Variants in TECRL observed in about 807,000 individuals in gnomAD.
TECRL encodes trans-2,3-enoyl-CoA reductase-like.
TECRL carries 63 observed loss-of-function variants against 52.8 expected under a neutral mutation model. The ratio of observed to expected loss-of-function variants is 1.19; its 90% CI spans 0.97 to 1.47. TECRL has a LOEUF of 1.47. Ranked by LOEUF, TECRL falls within the 40% of genes most tolerant of loss-of-function variation. The probability of loss-of-function intolerance (pLI) is 0.00; values close to 1 mark genes in which losing one functional copy is unlikely to be tolerated. For missense variants in TECRL, 482 were observed against 429.6 expected, an observed-to-expected ratio of 1.12 and a Z score of -1.08; for synonymous variants, 164 against 141.9, an observed-to-expected ratio of 1.16 and a Z score of -1.10.
At chr4:64,292,642 T>C (rs1577812872) in intron 8 of TECRL, among the ~76,000 whole-genome samples, 1 of 152,134 alleles carries the variant, frequency 6.6e-6, no homozygotes, top group Non-Finnish European at 1.5e-5. Context: ...AAGTTTAACC[T>C]ATCAAATAAA....
chr4:64,281,342 T>C (rs1478958731), intron 10 of TECRL, 132 bp downstream of exon 10: 2 of 619,584 alleles, frequency 3.2e-6, no homozygotes, highest in East Asian at 5.9e-5. Flanking sequence ...TATTTTGTTA[T>C]ACCATGATCT....
intron 2 of TECRL, among the ~76,000 whole-genome samples, chr4:64,358,116 C>T (rs1399353010): frequency 2.7e-5 from 4 of 150,840 alleles, no homozygotes; most frequent in Admixed American, 6.6e-5. Context: ...AAAAAAAAGA[C>T]ATTCTGAATT....
chr4:64,293,042 T>C (rs1187046047), intron 8 of TECRL, among the ~76,000 whole-genome samples: 4 of 152,094 alleles, frequency 2.6e-5, no homozygotes, highest in Non-Finnish European at 5.9e-5. Context: ...ATTGAGTAAT[T>C]TGAATACTTC....
At chr4:64,344,533 C>T (rs1424683504) in intron 2 of TECRL, among the ~76,000 whole-genome samples, 2 of 152,142 alleles carry the variant, frequency 1.3e-5, no homozygotes, top group Non-Finnish European at 2.9e-5. Context: ...AGACTTTACA[C>T]TTGCTTACTA....
At chr4:64,378,388 G>A (rs1722545878) in intron 1 of TECRL, among the ~76,000 whole-genome samples, 1 of 151,962 alleles carries the variant, frequency 6.6e-6, no homozygotes, top group African/African-American at 2.4e-5. Flanking sequence ...CAACATGGCG[G>A]AAATCCCATC....
chr4:64,370,020 G>A (rs565697518), intron 2 of TECRL, among the ~76,000 whole-genome samples: 1 of 151,758 alleles, frequency 6.6e-6, no homozygotes, highest in South Asian at 2.1e-4. Context: ...TATATATCTT[G>A]ATAATTAAGT....
intron 2 of TECRL, among the ~76,000 whole-genome samples, chr4:64,352,374 G>A (rs1720460581): frequency 6.6e-6 from 1 of 152,104 alleles, no homozygotes; most frequent in Admixed American, 6.5e-5. Context: ...CCTGAGAGAG[G>A]AATAGATAGA....
At chr4:64,408,288 C>G (rs1343622997) in intron 1 of TECRL, among the ~76,000 whole-genome samples, 2 of 151,764 alleles carry the variant, frequency 1.3e-5, no homozygotes, top group Non-Finnish European at 1.5e-5. Flanking sequence ...GCAACAAAAA[C>G]GTATTCAATA....
chr4:64,332,094 C>T (rs1437090358), intron 2 of TECRL, among the ~76,000 whole-genome samples: 1 of 152,094 alleles, frequency 6.6e-6, no homozygotes, highest in Non-Finnish European at 1.5e-5. Flanking sequence ...GCTCAGAAAG[C>T]TGAGTCTAGC....
chr4:64,402,350 T>C (rs971936885), intron 1 of TECRL, among the ~76,000 whole-genome samples: 14 of 152,224 alleles, frequency 9.2e-5, no homozygotes, highest in African/African-American at 3.4e-4. Context: ...AATACTAATA[T>C]ATCAATTATA....
intron 2 of TECRL, among the ~76,000 whole-genome samples, chr4:64,359,961 A>T (rs1721055998): frequency 6.6e-6 from 1 of 152,168 alleles, no homozygotes; most frequent in African/African-American, 2.4e-5. Context: ...TAAGTAAGAA[A>T]TTTAAGTGAT....
At chr4:64,361,112 G>T (rs1331315567) in intron 2 of TECRL, among the ~76,000 whole-genome samples, 10 of 152,072 alleles carry the variant, frequency 6.6e-5, no homozygotes, top group Non-Finnish European at 1.2e-4. Flanking sequence ...CAGCATGACT[G>T]CACCCACTTG....
intron 9 of TECRL, among the ~76,000 whole-genome samples, chr4:64,288,581 A>G (rs1723205644): frequency 6.6e-6 from 1 of 152,196 alleles, no homozygotes; most frequent in African/African-American, 2.4e-5. Context: ...TTAACGTGCA[A>G]CAAAAAGTGG....
intron 4 of TECRL, among the ~76,000 whole-genome samples, chr4:64,315,541 GA>G (rs1265784118): frequency 1.3e-5 from 2 of 151,916 alleles, no homozygotes; most frequent in African/African-American, 4.8e-5. Context: ...TTTTCAAAGA[GA>G]AAAAAATACA....
chr4:64,297,104 T>C (rs1421558472), intron 8 of TECRL, among the ~76,000 whole-genome samples: 1 of 151,552 alleles, frequency 6.6e-6, no homozygotes, highest in Non-Finnish European at 1.5e-5. Context: ...CAACATATTA[T>C]GTATACATTG....
In TECRL at chr4:64,278,059, T is replaced by C. The variant is rs969375369; in HGVS notation, c.*2013A>G. ...ATGCATATATTTGTGTATGTGTATA[T>C]ATATGTGTATATATATACACATATA... On this transcript the variant is annotated 3_prime_UTR_variant, in exon 12 of 12. Coordinates refer to ENST00000381210, the MANE Select transcript of TECRL (RefSeq NM_001010874.5). 1.3e-5 allele frequency: 2 copies of C among 151,692 alleles called. No homozygotes were observed. The highest frequency in any genetic ancestry group is 1.3e-4 in the Admixed American group (2 of 15,198). 9.4% of individuals were successfully genotyped at this position (151,692 alleles called of 1,614,324 possible).
At chr4:64,354,035 A>C (rs1720587054) in intron 2 of TECRL, among the ~76,000 whole-genome samples, 1 of 152,172 alleles carries the variant, frequency 6.6e-6, no homozygotes, top group Non-Finnish European at 1.5e-5. Flanking sequence ...AATGCAGTTG[A>C]AAGTTCAAAC....
At chr4:64,322,639 T>A in intron 4 of TECRL, 50 bp downstream of exon 4, 1 of 1,319,720 alleles carries the variant, frequency 7.6e-7, no homozygotes, top group South Asian at 1.4e-5. Flanking sequence ...CAATAAATTA[T>A]TTAGAGCAAA....
chr4:64,347,968 C>T (rs1248237151), intron 2 of TECRL, among the ~76,000 whole-genome samples: 1 of 152,180 alleles, frequency 6.6e-6, no homozygotes, highest in Non-Finnish European at 1.5e-5. Context: ...CTCACATCTT[C>T]CTGTCTTCTT....
Sources: allele counts gnomAD v4.1 joint callset (sites outside exome capture counted in the v4.1 genomes callset), GRCh38; gene constraint gnomAD v4.1.1; transcripts MANE v1.5; gene names NCBI Gene and HGNC (gene_info 2026-07-23, HGNC 2026-07-21).